The following KMT5A variants were observed in gnomAD, a reference collection of about 807,000 sequenced individuals.
KMT5A encodes the protein lysine methyltransferase 5A.
In KMT5A, 6 loss-of-function variants were observed where a neutral mutation model predicts 40.6. That is an observed-to-expected ratio of 0.15 (90% CI 0.08 to 0.29). The LOEUF is 0.29. Among genes scored for constraint, KMT5A ranks in the 10% least tolerant of loss-of-function variants. KMT5A has a pLI of 1.00. For synonymous variants in KMT5A, 153 were observed against 178.8 expected, an observed-to-expected ratio of 0.86 and a Z score of 1.15; for missense variants, 308 against 459.1, an observed-to-expected ratio of 0.67 and a Z score of 3.01.
rs755931632 is a variant in KMT5A at position 123,390,677 on chromosome 12, G to T, written c.180G>T (p.Pro60=). The change falls in exon 3 of 8, where the codon CCG becomes CCT. Residue 60 remains proline, a synonymous_variant. Coordinates refer to ENST00000402868, the MANE Select transcript of KMT5A (RefSeq NM_020382.7). ...GQSKIYSYMS[P]NKCSGMRFPL... is the part of the protein sequence containing the mutation. The stretch of plus-strand genomic sequence containing the variant: ...CAAAGATCTATTCCTACATGAGCCC[G>T]AACAAATGCTCTGGAATGCGTTTCC... 6.2e-7 allele frequency: 1 copy of T among 1,613,840 alleles called. No individual in the cohort carries two copies. The highest frequency in any genetic ancestry group is 1.7e-5 in the Admixed American group (1 of 60,016).
rs1390151295 is a variant in KMT5A at position 123,408,645 on chromosome 12, TTTG to T, written c.*944_*946del. On this transcript the variant is annotated 3_prime_UTR_variant, in exon 8 of 8. Transcript: ENST00000402868. ...ATGGTACTCTAATCAAAAATAAAGT[TTTG>T]TAGTGGGACCAGAAATTACTTACCT... 1 of 150,698 alleles carries T rather than the reference TTTG, an allele frequency of 6.6e-6. No homozygotes were observed. The highest frequency in any genetic ancestry group is 1.5e-5 in the Non-Finnish European group (1 of 67,736). The allele number at this position is 150,698 out of a possible 1,614,324, so 9.3% of individuals were successfully genotyped here.
chr12:123,402,515 G>A (rs1353745480), intron 5 of KMT5A, among the ~76,000 whole-genome samples: 10 of 152,188 alleles, frequency 6.6e-5, no homozygotes, highest in African/African-American at 2.2e-4. Flanking sequence ...CTCCTGACAC[G>A]TGCCATCTGG....
chr12:123,407,044 C>T (rs1309346690), intron 7 of KMT5A, among the ~76,000 whole-genome samples: 2 of 122,490 alleles, frequency 1.6e-5, no homozygotes, highest in African/African-American at 6.1e-5. Context: ...AAAAAAAAAG[C>T]TTTGCAAATT....
chr12:123,401,218 G>A lies in KMT5A; in HGVS notation c.598-2355G>A, dbSNP rs1286268526. Reference sequence around the variant, plus strand: ...GGCTGGAGTGCAGTGGCGCGATCTTGGCTCACTGCAAGCTCCGCCTCCCGG... The same window carrying A: ...GGCTGGAGTGCAGTGGCGCGATCTTAGCTCACTGCAAGCTCCGCCTCCCGG... On this transcript the variant is annotated intron_variant, in intron 5 of 7. Coordinates refer to ENST00000402868, the MANE Select transcript of KMT5A (RefSeq NM_020382.7). Among the ~76,000 whole-genome samples the A allele has an allele frequency of 1.1e-4, 12 of 113,992 alleles. No homozygotes were observed. The Admixed American group carries it at 1.5e-3, about 14-fold the overall frequency. The allele number at this position is 113,992 out of a possible 152,430, so 74.8% of individuals were successfully genotyped here. A position where few individuals can be genotyped will look rare whatever the true frequency, so the allele number is the denominator to read the frequency against.
At chr12:123,400,803 GTTTTTTT>G in intron 5 of KMT5A, among the ~76,000 whole-genome samples, 1 of 149,020 alleles carries the variant, frequency 6.7e-6, no homozygotes, top group African/African-American at 2.5e-5. Flanking sequence ...GTTGGTTGAA[GTTTTTTT>G]TTTGTTTTTT....
Position 123,407,671 on chromosome 12 carries a change from T to G in KMT5A, c.1027T>G (p.Ser343Ala), listed in dbSNP as rs751671995. ...LYDYGDRSKA[S>A]IEAHPWLKH ...TGACTATGGGGACCGCAGCAAGGCT[T>G]CCATTGAAGCCCACCCGTGGCTGAA... The change falls in exon 8 of 8, where the codon TCC (serine) becomes GCC (alanine). Residue 343 changes from serine to alanine, a missense_variant. By Grantham distance (99) the Ser-to-Ala change is moderately conservative. Transcript: ENST00000402868. 6.2e-7 allele frequency: 1 copy of G among 1,613,614 alleles called. No homozygotes were observed. Among genetic ancestry groups the G allele is most frequent in the Non-Finnish European group, 8.5e-7 (1 of 1,179,770 alleles).
chr12:123,401,992 C>G (rs1027016226), intron 5 of KMT5A, among the ~76,000 whole-genome samples: 4 of 152,156 alleles, frequency 2.6e-5, no homozygotes, highest in Non-Finnish European at 4.4e-5. Context: ...CAGCAATCCT[C>G]CTCCTTCCTC....
At position 123,384,485 on chromosome 12, in the gene KMT5A, A is replaced by G. The variant is rs969991685; in HGVS notation, c.10+277A>G. ...CCTGCCTCTCCACGGCAGCAGATCC[A>G]TATGTCAGAGCTCTTTGGAAACTAA... On this transcript the variant is annotated intron_variant, in intron 1 of 7. Coordinates refer to ENST00000402868, the MANE Select transcript of KMT5A (RefSeq NM_020382.7). The surrounding 1 kb of genome is among the most constrained non-coding windows in gnomAD (Gnocchi z 5.7). 6.6e-6 allele frequency among the ~76,000 whole-genome samples: 1 copy of G among 152,200 alleles called. No homozygotes were observed. Among genetic ancestry groups the G allele is most frequent in the Admixed American group, 6.5e-5 (1 of 15,280 alleles).
chr12:123,399,445 T>C (rs1392947691), intron 5 of KMT5A, among the ~76,000 whole-genome samples: 2 of 152,176 alleles, frequency 1.3e-5, no homozygotes, highest in East Asian at 3.9e-4. Flanking sequence ...CCTCTGCGCA[T>C]CTCCTACCTG....
intron 3 of KMT5A, 112 bp downstream of exon 3, chr12:123,390,898 G>A (rs1261434724): frequency 3.1e-6 from 4 of 1,287,780 alleles, no homozygotes; most frequent in Non-Finnish European, 4.3e-6. Context: ...TCTCAGATTC[G>A]AGAGGTTTGA....
chr12:123,390,518 G>A, intron 2 of KMT5A, 112 bp from the exon 3 acceptor site: 1 of 1,381,738 alleles, frequency 7.2e-7, no homozygotes, highest in South Asian at 1.4e-5. Flanking sequence ...TGGTAGCCCA[G>A]TTTTTGAAAA....
At chr12:123,387,485 G>C (rs1479896936) in intron 1 of KMT5A, among the ~76,000 whole-genome samples, 1 of 152,174 alleles carries the variant, frequency 6.6e-6, no homozygotes, top group Non-Finnish European at 1.5e-5. Context: ...CTTTCAAATG[G>C]CTCAACCTGG....
chr12:123,407,708 T>C lies in KMT5A; in HGVS notation c.*5T>C, dbSNP rs2139213436. The C allele has an allele frequency of 6.2e-7, 1 of 1,609,052 alleles. No homozygotes were observed. The highest frequency in any genetic ancestry group is 1.3e-5 in the African/African-American group (1 of 74,874). ...CACCCGTGGCTGAAGCATTAACCGG[T>C]GGGCCCCGTGCCCTCCCCGCCCCAC... On this transcript the variant is annotated 3_prime_UTR_variant, in exon 8 of 8. Transcript: ENST00000402868.
chr12:123,405,415 C>T (rs1878462177), intron 7 of KMT5A, among the ~76,000 whole-genome samples: 1 of 151,960 alleles, frequency 6.6e-6, no homozygotes, highest in Non-Finnish European at 1.5e-5. Context: ...AGACGATCCA[C>T]CCGCCTTGGC....
At chr12:123,401,149 T>TC (rs1232309237) in intron 5 of KMT5A, among the ~76,000 whole-genome samples, 3 of 129,650 alleles carry the variant, frequency 2.3e-5, no homozygotes, top group Non-Finnish European at 4.9e-5. Flanking sequence ...TCTTTCTTTT[T>TC]TTTTTTTTTT....
rs1403234476 is a variant in KMT5A at position 123,389,521 on chromosome 12, G to A, written c.99G>A (p.Glu33=). The part of the protein sequence containing the change: ...AATAPGPEMV[E]RRGPGRPRTD... Reference sequence around the variant, plus strand: ...CGGCCCCGGGCCCGGAGATGGTGGAGCGGAGGGGCCCGGGGAGGCCCCGCA... The same window carrying A: ...CGGCCCCGGGCCCGGAGATGGTGGAACGGAGGGGCCCGGGGAGGCCCCGCA... The change falls in exon 2 of 8, where the codon GAG becomes GAA. Residue 33 remains glutamate, a synonymous_variant. Transcript: ENST00000402868. The A allele has an allele frequency of 1.3e-5, 15 of 1,118,012 alleles. No homozygotes were observed. Among genetic ancestry groups the A allele is most frequent in the African/African-American group, 3.3e-5 (2 of 59,812 alleles). 69.3% of individuals were successfully genotyped at this position (1,118,012 alleles called of 1,614,324 possible).
At chr12:123,388,043 C>T (rs570296031) in intron 1 of KMT5A, among the ~76,000 whole-genome samples, 1 of 152,364 alleles carries the variant, frequency 6.6e-6, no homozygotes, top group East Asian at 1.9e-4. Context: ...GCCTTAATGG[C>T]CACAGAGTAG....
At chr12:123,402,184 A>G (rs1032114404) in intron 5 of KMT5A, among the ~76,000 whole-genome samples, 12 of 152,288 alleles carry the variant, frequency 7.9e-5, no homozygotes, top group Admixed American at 2.6e-4. Flanking sequence ...CCCTGGCCTC[A>G]TTTACATTTT....
At chr12:123,390,205 C>T (rs1877193764) in intron 2 of KMT5A, 1 of 455,838 alleles carries the variant, frequency 2.2e-6, no homozygotes, top group South Asian at 1.6e-5. Flanking sequence ...CTCCAGCCGC[C>T]CTCAGCACCA....
Sources: gnomAD v4.1 joint callset for allele counts (sites outside exome capture counted in the v4.1 genomes callset) on GRCh38, gnomAD v4.1.1 for gene constraint, Gnocchi (gnomAD v3.1) non-coding constraint, MANE v1.5 for transcripts, NCBI Gene and HGNC (gene_info 2026-07-23, HGNC 2026-07-21) for gene names.